Variants in NEDD4L observed in about 807,000 individuals in gnomAD.
NEDD4L encodes the protein E3 ubiquitin-protein ligase NEDD4-like.
NEDD4L carries 54 observed loss-of-function variants against 148.9 expected under a neutral mutation model. That is an observed-to-expected ratio of 0.36 (90% confidence interval 0.29 to 0.45). The LOEUF (loss-of-function observed/expected upper bound fraction) is 0.45. Among genes scored for constraint, NEDD4L ranks in the 20% least tolerant of loss-of-function variants. The probability of loss-of-function intolerance (pLI) is 1.00; values close to 1 mark genes in which losing one functional copy is unlikely to be tolerated. For missense variants in NEDD4L, 856 were observed against 1,233.8 expected, an observed-to-expected ratio of 0.69 and a Z score of 4.59; for synonymous variants, 433 against 440.7, an observed-to-expected ratio of 0.98 and a Z score of 0.22.
intron 1 of NEDD4L, among the ~76,000 whole-genome samples, chr18:58,065,629 G>A (rs537420930): frequency 8.5e-4 from 130 of 152,258 alleles, no homozygotes; most frequent in African/African-American, 2.7e-3. Context: ...ACTCTTAATC[G>A]GGTGCCTGTG....
chr18:58,364,816 C>T (rs927767793), intron 20 of NEDD4L, among the ~76,000 whole-genome samples: 1 of 152,114 alleles, frequency 6.6e-6, no homozygotes, highest in Non-Finnish European at 1.5e-5. Context: ...ATGTAATTTT[C>T]TACTTATAAT....
chr18:58,173,400 C>T (rs762553324), intron 2 of NEDD4L, among the ~76,000 whole-genome samples: 17 of 152,146 alleles, frequency 1.1e-4, no homozygotes, highest in Non-Finnish European at 2.2e-4. Flanking sequence ...GTGTGATGAG[C>T]CATTGGCATC....
At chr18:58,293,762 T>C (rs943930952) in intron 5 of NEDD4L, among the ~76,000 whole-genome samples, 16 of 152,208 alleles carry the variant, frequency 1.1e-4, no homozygotes, top group Admixed American at 3.9e-4. Flanking sequence ...GGTAAGGTCT[T>C]GCTCAGGCTG....
chr18:58,153,193 T>C (rs1436667390), intron 1 of NEDD4L, among the ~76,000 whole-genome samples: 1 of 149,210 alleles, frequency 6.7e-6, no homozygotes, highest in Non-Finnish European at 1.5e-5. Flanking sequence ...TTGATGATAA[T>C]TTTTTTTTAA....
At chr18:58,101,933 A>G (rs1303609862) in intron 1 of NEDD4L, among the ~76,000 whole-genome samples, 1 of 152,116 alleles carries the variant, frequency 6.6e-6, no homozygotes, top group Non-Finnish European at 1.5e-5. Flanking sequence ...ATAGAAGCAA[A>G]TGGTTCACAA....
intron 5 of NEDD4L, among the ~76,000 whole-genome samples, chr18:58,277,532 G>A (rs1014766587): frequency 6.6e-6 from 1 of 152,080 alleles, no homozygotes; most frequent in African/African-American, 2.4e-5. Context: ...GCAGCTAGGT[G>A]ACAGTTGCCT....
At chr18:58,139,098 G>C (rs887522399) in intron 1 of NEDD4L, among the ~76,000 whole-genome samples, 1 of 152,138 alleles carries the variant, frequency 6.6e-6, no homozygotes, top group African/African-American at 2.4e-5. Context: ...GAAAATGCTT[G>C]TACTTATTTT....
At chr18:58,052,897 T>TG (rs1403938152) in intron 1 of NEDD4L, among the ~76,000 whole-genome samples, 1 of 152,228 alleles carries the variant, frequency 6.6e-6, no homozygotes, top group African/African-American at 2.4e-5. Context: ...ACCTGGGAGA[T>TG]GGAGGTTGTG....
At chr18:58,165,921 A>G (rs1319554874) in intron 2 of NEDD4L, 60 bp downstream of exon 2, 2 of 1,371,892 alleles carry the variant, frequency 1.5e-6, no homozygotes, top group East Asian at 2.4e-5. Context: ...CAGTTTTCAA[A>G]TTCAGGCACG....
intron 11 of NEDD4L, among the ~76,000 whole-genome samples, chr18:58,331,446 GA>G (rs2059779643): frequency 6.6e-6 from 1 of 152,214 alleles, no homozygotes; most frequent in African/African-American, 2.4e-5. Context: ...CCCAGAGTAT[GA>G]ACCCTTGAGA....
chr18:58,204,722 T>A (rs2041800616), intron 2 of NEDD4L, among the ~76,000 whole-genome samples: 1 of 152,206 alleles, frequency 6.6e-6, no homozygotes, highest in Non-Finnish European at 1.5e-5. Context: ...GTTTAGATAG[T>A]CCATCATGTT....
chr18:58,283,404 C>A (rs574202628), intron 5 of NEDD4L, among the ~76,000 whole-genome samples: 53 of 152,206 alleles, frequency 3.5e-4, no homozygotes, highest in African/African-American at 1.3e-3. Context: ...AGCCTGTGTT[C>A]GAAAGTGGCA....
intron 1 of NEDD4L, among the ~76,000 whole-genome samples, chr18:58,139,238 G>C (rs2146100788): frequency 6.6e-6 from 1 of 152,172 alleles, no homozygotes; most frequent in South Asian, 2.1e-4. Context: ...GGGAGGAGAG[G>C]ATAATTTGGC....
intron 1 of NEDD4L, among the ~76,000 whole-genome samples, chr18:58,148,084 TTC>T (rs1164941757): frequency 6.6e-6 from 1 of 151,818 alleles, no homozygotes; most frequent in African/African-American, 2.4e-5. Flanking sequence ...TTCTTTCCAA[TTC>T]TACTAGTCCT....
chr18:58,059,847 G>T (rs902424927), intron 1 of NEDD4L, among the ~76,000 whole-genome samples: 2 of 152,118 alleles, frequency 1.3e-5, no homozygotes, highest in Non-Finnish European at 2.9e-5. Context: ...TCCGCAGTGT[G>T]TATGTATTTC....
intron 5 of NEDD4L, among the ~76,000 whole-genome samples, chr18:58,312,611 T>TA (rs1331524077): frequency 6.6e-6 from 1 of 152,158 alleles, no homozygotes; most frequent in Non-Finnish European, 1.5e-5. Flanking sequence ...CCCTGTGGCA[T>TA]AAAGGCACCA....
At position 58,312,619 on chromosome 18, in the gene NEDD4L, C is replaced by T. The variant is rs2057827225; in HGVS notation, c.298-3363C>T. 2.6e-5 allele frequency among the ~76,000 whole-genome samples: 4 copies of T among 152,286 alleles called. 1 individual carries two copies. In the South Asian group the frequency reaches 8.3e-4, roughly 32 times the overall value. ...TGCTCCTCCCTGTGGCATAAAGGCA[C>T]CAGGAGGTTCTCTGATCCCCTGTTA... On this transcript the variant is annotated intron_variant, in intron 5 of 30. Transcript: ENST00000400345.
intron 2 of NEDD4L, among the ~76,000 whole-genome samples, chr18:58,232,525 A>G (rs925418402): frequency 6.6e-6 from 1 of 152,140 alleles, no homozygotes; most frequent in Admixed American, 6.5e-5. Context: ...TTGATAGTGC[A>G]TGGGCCCAGG....
Position 58,044,357 on chromosome 18 carries a change from G to T in NEDD4L, c.-304G>T. The T allele has an allele frequency of 5.8e-6, 1 of 172,842 alleles. No individual in the cohort carries two copies. The allele number at this position is 172,842 out of a possible 1,614,324, so 10.7% of individuals were successfully genotyped here. On this transcript the variant is annotated 5_prime_UTR_variant, in exon 1 of 31. Transcript: ENST00000400345. ...CGCGGGTCGCGGGGAGGGAAAGCCCGGCCGGGTCTGCGCCGCCGCCGCGCG... is the reference window on the plus strand; with the variant it reads ...CGCGGGTCGCGGGGAGGGAAAGCCCTGCCGGGTCTGCGCCGCCGCCGCGCG...
Sources: gnomAD v4.1 joint callset for allele counts (sites outside exome capture counted in the v4.1 genomes callset) on GRCh38, gnomAD v4.1.1 for gene constraint, MANE v1.5 for transcripts, NCBI Gene and HGNC (gene_info 2026-07-23, HGNC 2026-07-21) for gene names.